SORL1: variants seen among roughly 807,000 people sequenced by gnomAD.
SORL1 encodes sortilin-related receptor.
SORL1 carries 127 observed loss-of-function variants against 273.7 expected under a neutral mutation model. The observed-to-expected ratio is 0.46, with a 90% CI of 0.40 to 0.54. The LOEUF (loss-of-function observed/expected upper bound fraction) is 0.54, where lower values mean the gene tolerates loss of function less well. SORL1 is among the 20% of genes least tolerant of loss of function. The pLI is 0.00. For synonymous variants in SORL1, 1,031 were observed against 1,067.4 expected, an observed-to-expected ratio of 0.97 and a Z score of 0.66; for missense variants, 2,494 against 2,846.1, an observed-to-expected ratio of 0.88 and a Z score of 2.81.
intron 45 of SORL1, among the ~76,000 whole-genome samples, chr11:121,624,164 GAGCTAGA>G (rs1315318001): frequency 2.0e-5 from 3 of 152,166 alleles, no homozygotes; most frequent in Admixed American, 6.5e-5. Context: ...AGAATTATAG[GAGCTAGA>G]ATTCAAGATG....
intron 12 of SORL1, among the ~76,000 whole-genome samples, chr11:121,538,718 G>A (rs373428060): frequency 2.0e-5 from 3 of 151,836 alleles, no homozygotes; most frequent in East Asian, 1.9e-4. Context: ...TCACTCTGTC[G>A]CTTAGGCTGG....
rs1480691710 is a variant in SORL1 at position 121,496,912 on chromosome 11, C to T, written c.802C>T (p.Arg268Ter). Residue 268 changes from arginine to a stop codon, truncating the protein, a stop_gained, in exon 6 of 48, where the codon CGA becomes TGA. Transcript: ENST00000260197. LOFTEE classifies it high-confidence loss of function. ...YDKPNTIYIE[R>*]HEPSGYSTVF... The stretch of plus-strand genomic sequence containing the variant: ...CAAACCAAATACCATCTACATTGAA[C>T]GACATGAACCCTCTGGCTACTCCAC... The T allele has an allele frequency of 8.1e-6, 13 of 1,613,120 alleles. No individual in the cohort carries two copies. Among genetic ancestry groups the T allele is most frequent in the Middle Eastern group, 1.6e-4 (1 of 6,082 alleles).
chr11:121,608,107 G>C lies in SORL1; in HGVS notation c.5170G>C (p.Ala1724Pro). ...ATTCACCCTCTGATTTGAAAAGGTG[G>C]CTGCGGTGACTAGTCGTGGAATAGG... Reference protein sequence around the residue: ...LVNTLYTVRVAAVTSRGIGNW... With the variant: ...LVNTLYTVRVPAVTSRGIGNW... Residue 1724 changes from alanine (A) to proline (P), a missense_variant, in exon 38 of 48, where the codon GCT becomes CCT. By Grantham distance (27) the Ala-to-Pro change is conservative (BLOSUM62 -1). Around this residue, in one of 3 missense-constraint regions of SORL1, gnomAD observed 1,609 missense variants for 1,816.4 expected, o/e 0.89. Coordinates refer to ENST00000260197, the MANE Select transcript of SORL1 (RefSeq NM_003105.6). The C allele has an allele frequency of 6.2e-7, 1 of 1,613,488 alleles. No homozygotes were observed. The highest frequency in any genetic ancestry group is 1.3e-5 in the African/African-American group (1 of 75,020).
In SORL1 at chr11:121,566,954, G is replaced by A; in HGVS notation, c.3064G>A (p.Val1022Met). 1 of 1,613,582 alleles carries A rather than the reference G, an allele frequency of 6.2e-7. No homozygotes were observed. The highest frequency in any genetic ancestry group is 8.5e-7 in the Non-Finnish European group (1 of 1,179,798). Residue 1022 changes from valine (V) to methionine (M), a missense_variant, in exon 22 of 48, where the codon GTG (valine) becomes ATG (methionine). Physicochemically the swap from Val to Met is conservative, Grantham distance 21. This residue lies in a region of SORL1 where 1,609 missense variants were observed against 1,816.4 expected (regional missense o/e 0.89). Transcript: ENST00000260197. Reference protein sequence around the residue: ...KGKNTGSNACVPRPCSLLCLP... With the variant: ...KGKNTGSNACMPRPCSLLCLP... ...CTTCCCTCCAGGAAGCAATGCCTGTGTGCCCAGGCCATGCAGCCTGCTGTG... is the reference window on the plus strand; with the variant it reads ...CTTCCCTCCAGGAAGCAATGCCTGTATGCCCAGGCCATGCAGCCTGCTGTG...
intron 6 of SORL1, among the ~76,000 whole-genome samples, chr11:121,508,581 T>C (rs927946237): frequency 1.3e-5 from 2 of 152,184 alleles, no homozygotes; most frequent in African/African-American, 4.8e-5. Flanking sequence ...CAGGTCAGGC[T>C]TTTTGGGAAC....
chr11:121,631,398 T>C lies in SORL1; in HGVS notation c.*1835T>C, dbSNP rs1384958897. 6.6e-6 allele frequency: 1 copy of C among 152,096 alleles called. No homozygotes were observed. The highest frequency in any genetic ancestry group is 1.5e-5 in the Non-Finnish European group (1 of 68,028). 9.4% of individuals were successfully genotyped at this position (152,096 alleles called of 1,614,324 possible). ...TTTTTTTAAAGACTGGAATTTTTTT[T>C]GGCTTTATCTTGTCTTACCGTAGAG... On this transcript the variant is annotated 3_prime_UTR_variant, in exon 48 of 48. Coordinates refer to ENST00000260197, the MANE Select transcript of SORL1 (RefSeq NM_003105.6).
intron 18 of SORL1, 140 bp downstream of exon 18, chr11:121,555,458 C>A: frequency 9.3e-7 from 1 of 1,072,152 alleles, no homozygotes; most frequent in Non-Finnish European, 1.3e-6. Context: ...AATGGACCAG[C>A]TGAGCCTCTG....
At chr11:121,537,985 T>C (rs538199) in intron 12 of SORL1, among the ~76,000 whole-genome samples, 150,048 of 152,314 alleles carry the variant, frequency 0.99, 73,965 homozygotes, top group Middle Eastern at 1. Context: ...CCTCAATCTC[T>C]ATCTTCTAGG....
rs879422777 is a variant in SORL1 at position 121,616,672 on chromosome 11, C to A, written c.5604+1617C>A. Among the ~76,000 whole-genome samples the A allele has an allele frequency of 3.3e-5, 5 of 152,262 alleles. No homozygotes were observed. The East Asian group carries it at 5.8e-4, about 18-fold the overall frequency. On this transcript the variant is annotated intron_variant, in intron 41 of 47. Transcript: ENST00000260197. Reference sequence around the variant, plus strand: ...CCTACATCCTCCCAGGCGATCACCCCCTTCGGGGCTTCCCTTCCTGTTTCT... The same window carrying A: ...CCTACATCCTCCCAGGCGATCACCCACTTCGGGGCTTCCCTTCCTGTTTCT...
chr11:121,618,290 C>G (rs1224925797), intron 41 of SORL1, among the ~76,000 whole-genome samples: 1 of 152,140 alleles, frequency 6.6e-6, no homozygotes, highest in Non-Finnish European at 1.5e-5. Context: ...CGTGTCTGCT[C>G]TCCTTCCCTC....
chr11:121,522,985 G>A lies in SORL1; in HGVS notation c.1592G>A (p.Arg531Gln), dbSNP rs778072729. The change falls in exon 11 of 48, where the codon CGA becomes CAA. Residue 531 changes from arginine (R) to glutamine (Q), a missense_variant. This residue lies in a region of SORL1 where 710 missense variants were observed against 882.5 expected (regional missense o/e 0.80). Coordinates refer to ENST00000260197, the MANE Select transcript of SORL1 (RefSeq NM_003105.6). ...YISSSAGARW[R>Q]EALPGPHYYT... is the part of the protein sequence containing the mutation. ...TCTAGCAGTGCTGGAGCCAGGTGGC[G>A]AGAGGTCAGCCCCCTCCCCCAATCC... 4 of 1,610,660 alleles carry A rather than the reference G, an allele frequency of 2.5e-6. No homozygotes were observed. The highest frequency in any genetic ancestry group is 1.1e-5 in the South Asian group (1 of 91,012).
At chr11:121,577,089 C>T (rs1862941935) in intron 24 of SORL1, 192 bp from the exon 25 acceptor site, 1 of 1,096,046 alleles carries the variant, frequency 9.1e-7, no homozygotes, top group South Asian at 1.3e-5. Flanking sequence ...CCACCTGTAA[C>T]CCATTTGCAG....
chr11:121,514,247 G>T lies in SORL1; in HGVS notation c.1137G>T (p.Gly379=). The T allele has an allele frequency of 6.2e-7, 1 of 1,614,216 alleles. No individual in the cohort carries two copies. The highest frequency in any genetic ancestry group is 8.5e-7 in the Non-Finnish European group (1 of 1,180,044). ...RTNLYISEAE[G]LKFSLSLENV... ...ATTTATACATCTCAGAGGCAGAGGG[G>T]CTGAAGTTCTCCCTGTCCTTGGAGA... The change falls in exon 8 of 48, where the codon GGG becomes GGT. Residue 379 remains glycine (G), a synonymous_variant. Transcript: ENST00000260197.
At position 121,583,568 on chromosome 11, in the gene SORL1, G is replaced by A; in HGVS notation, c.3691G>A (p.Asp1231Asn). 6.2e-7 allele frequency: 1 copy of A among 1,609,894 alleles called. No homozygotes were observed. Residue 1231 changes from aspartate to asparagine, a missense_variant, in exon 26 of 48, where the codon GAT (aspartate) becomes AAT (asparagine). Transcript: ENST00000260197. ...GGACTGCCAGGATGGTTCCGATGAG[G>A]ATCCAGTCAACTGTGGTAAATGCAA... Reference protein sequence around the residue: ...DTDCQDGSDEDPVNCEKKCNG... With the variant: ...DTDCQDGSDENPVNCEKKCNG...
At chr11:121,606,429 C>A (rs576021296) in intron 35 of SORL1, among the ~76,000 whole-genome samples, 1 of 152,302 alleles carries the variant, frequency 6.6e-6, no homozygotes, top group African/African-American at 2.4e-5. Flanking sequence ...TATAGAAATT[C>A]TGTGATGTTA....
intron 23 of SORL1, among the ~76,000 whole-genome samples, chr11:121,572,866 A>G (rs540952241): frequency 3.3e-5 from 5 of 152,242 alleles, no homozygotes; most frequent in South Asian, 2.1e-4. Context: ...CACGAGCTCA[A>G]TTACAGAGAA....
At chr11:121,589,893 T>A in intron 29 of SORL1, 147 bp from the exon 30 acceptor site, 1 of 879,494 alleles carries the variant, frequency 1.1e-6, no homozygotes, top group Non-Finnish European at 1.8e-6. Context: ...TTGTTCCCCA[T>A]TGGGTCCATG....
rs748146776 is a variant in SORL1, at chr11:121,619,742, T to C, written c.5725-11T>C. 2 of 1,605,064 alleles carry C rather than the reference T, an allele frequency of 1.2e-6. No homozygotes were observed. Among genetic ancestry groups the C allele is most frequent in the African/African-American group, 1.3e-5 (1 of 74,710 alleles). ...TGTATTTTTTTTCCTACGTGTGTGC[T>C]TGGGCTTCAGGTCCGTGTAGTGGTA... On this transcript the variant is annotated splice_polypyrimidine_tract_variant and intron_variant, in intron 42 of 47. Transcript: ENST00000260197.
chr11:121,585,498 TATACACACACACACACACAC>T (rs1277510599), intron 26 of SORL1, among the ~76,000 whole-genome samples: 1 of 106,656 alleles, frequency 9.4e-6, no homozygotes, highest in African/African-American at 3.8e-5. Flanking sequence ...AAAAAATGTA[TATACACACACACACACACAC>T]ACACACACAC....
Sources: allele counts gnomAD v4.1 joint callset (sites outside exome capture counted in the v4.1 genomes callset), GRCh38; gene constraint gnomAD v4.1.1; regional missense constraint gnomAD v4.1.1; transcripts MANE v1.5; gene names NCBI Gene and HGNC (gene_info 2026-07-23, HGNC 2026-07-21).